TNRC6B: variants seen among roughly 807,000 people sequenced by gnomAD.
The protein encoded by TNRC6B is trinucleotide repeat-containing gene 6B protein.
A neutral mutation model predicts 203.6 loss-of-function variants in TNRC6B; 52 were observed. The ratio of observed to expected loss-of-function variants is 0.26; its 90% CI spans 0.20 to 0.32. The LOEUF (loss-of-function observed/expected upper bound fraction) is 0.32. Among genes scored for constraint, TNRC6B ranks in the 10% least tolerant of loss-of-function variants. The pLI is 1.00. For missense variants in TNRC6B, 1,923 were observed against 2,286.2 expected, an observed-to-expected ratio of 0.84 and a Z score of 3.24; for synonymous variants, 838 against 845.7, an observed-to-expected ratio of 0.99 and a Z score of 0.16.
At chr22:40,138,618 AG>A (rs1354975546) in intron 3 of TNRC6B, among the ~76,000 whole-genome samples, 1 of 152,212 alleles carries the variant, frequency 6.6e-6, no homozygotes, top group African/African-American at 2.4e-5. Context: ...AGGCACCTGC[AG>A]GCAGCCCAGG....
chr22:40,277,478 G>C (rs537842467), intron 8 of TNRC6B, among the ~76,000 whole-genome samples: 1 of 152,148 alleles, frequency 6.6e-6, no homozygotes, highest in South Asian at 2.1e-4. Context: ...TTTTAAAAAG[G>C]CAACGATAAC....
In TNRC6B at chr22:40,125,839, GTA is replaced by G; in HGVS notation, c.24_25del (p.Ser9GlyfsTer25). ...TCCCATGCAAACCAATGAGGGAGAA[GTA>G]TCGGAAGAAAGCAGTTCCAAGGTCA... On this transcript the variant is annotated frameshift_variant, in exon 3 of 24. Coordinates refer to the TNRC6B transcript ENST00000301923. LOFTEE classifies it high-confidence loss of function. 6.2e-7 allele frequency: 1 copy of G among 1,612,636 alleles called. No homozygotes were observed. Among genetic ancestry groups the G allele is most frequent in the East Asian group, 2.2e-5 (1 of 44,810 alleles).
intron 19 of TNRC6B, among the ~76,000 whole-genome samples, chr22:40,313,236 GC>G (rs994525904): frequency 6.6e-5 from 10 of 152,192 alleles, no homozygotes; most frequent in African/African-American, 2.4e-4. Flanking sequence ...ACTGCAGGGA[GC>G]TGGCATATCC....
intron 1 of TNRC6B, among the ~76,000 whole-genome samples, chr22:40,211,480 T>C (rs147236053): frequency 5.9e-5 from 9 of 152,248 alleles, no homozygotes; most frequent in African/African-American, 2.2e-4. Context: ...CTGTATTGAG[T>C]AGCTGATACG....
intron 1 of TNRC6B, among the ~76,000 whole-genome samples, chr22:40,056,432 G>A (rs1174891322): frequency 6.6e-6 from 1 of 152,210 alleles, no homozygotes; most frequent in Non-Finnish European, 1.5e-5. Context: ...AGTTTAAGAT[G>A]TTTGGAAGAG....
intron 3 of TNRC6B, among the ~76,000 whole-genome samples, chr22:40,260,185 G>T (rs981728988): frequency 1.3e-5 from 2 of 148,594 alleles, no homozygotes; most frequent in Admixed American, 1.4e-4. Context: ...CTATTTTAAA[G>T]AATTGGGAAG....
At position 40,297,992 on chromosome 22, in the gene TNRC6B, G is replaced by A. The variant is rs185614088; in HGVS notation, c.3709-2463G>A. ...TACAAAAAATTAGCCGGGCATGGTG[G>A]CAGGCACCTGTAGTCCCAGCTATTC... On this transcript the variant is annotated intron_variant, in intron 12 of 22. Transcript: ENST00000454349. Among the ~76,000 whole-genome samples the A allele has an allele frequency of 3.0e-3, 449 of 151,148 alleles. 1 individual carries two copies. The highest frequency in any genetic ancestry group is 4.8e-3 in the Non-Finnish European group (326 of 67,850).
intron 3 of TNRC6B, among the ~76,000 whole-genome samples, chr22:40,148,283 CTTTTTTT>C (rs907310952): frequency 4.8e-4 from 62 of 128,782 alleles, no homozygotes; most frequent in African/African-American, 5.7e-4. Context: ...AAAACAGTTT[CTTTTTTT>C]TTTTTTTTTT....
chr22:40,100,728 T>G (rs989940215), intron 1 of TNRC6B, among the ~76,000 whole-genome samples: 1 of 152,196 alleles, frequency 6.6e-6, no homozygotes, highest in African/African-American at 2.4e-5. Flanking sequence ...CCATGGATTT[T>G]GGTATACACC....
intron 7 of TNRC6B, among the ~76,000 whole-genome samples, chr22:40,274,478 T>A (rs1024587361): frequency 1.3e-5 from 2 of 151,260 alleles, no homozygotes; most frequent in Non-Finnish European, 1.5e-5. Flanking sequence ...TGGACTGCAG[T>A]GGTGCAGTCT....
chr22:40,314,509 T>G (rs961007907), intron 19 of TNRC6B, among the ~76,000 whole-genome samples: 2 of 152,384 alleles, frequency 1.3e-5, no homozygotes, highest in East Asian at 1.9e-4. Flanking sequence ...ACATATTCCA[T>G]ACACAGAGAG....
chr22:40,258,705 C>A (rs1489136755), intron 3 of TNRC6B, among the ~76,000 whole-genome samples: 2 of 152,068 alleles, frequency 1.3e-5, no homozygotes, highest in Non-Finnish European at 2.9e-5. Context: ...GAGGTGTGTT[C>A]CCATTTTATA....
intron 16 of TNRC6B, among the ~76,000 whole-genome samples, chr22:40,309,867 C>T (rs1308685625): frequency 1.3e-5 from 2 of 152,240 alleles, no homozygotes; most frequent in East Asian, 3.9e-4. Flanking sequence ...AAAGTAAATG[C>T]CCTCTTAGCC....
chr22:40,130,724 A>C (rs1460334754), intron 3 of TNRC6B, among the ~76,000 whole-genome samples: 5 of 134,962 alleles, frequency 3.7e-5, no homozygotes, highest in Non-Finnish European at 6.1e-5. Context: ...TGGAGCTTGC[A>C]GTGAGCCAAG....
intron 3 of TNRC6B, among the ~76,000 whole-genome samples, chr22:40,259,688 C>T (rs1053297439): frequency 2.6e-5 from 4 of 152,176 alleles, no homozygotes; most frequent in African/African-American, 9.7e-5. Flanking sequence ...GCTCTTTTCT[C>T]CTGTCACCCA....
At chr22:40,216,477 AAGT>A (rs1268989487) in intron 1 of TNRC6B, among the ~76,000 whole-genome samples, 2 of 152,136 alleles carry the variant, frequency 1.3e-5, no homozygotes, top group Non-Finnish European at 2.9e-5. Flanking sequence ...GTTGAACTAA[AAGT>A]AGGAAGAGAC....
Position 40,112,260 on chromosome 22 carries a change from G to A in TNRC6B, c.-120-4795G>A, listed in dbSNP as rs573656721. Among the ~76,000 whole-genome samples, 18 of 152,304 alleles carry A rather than the reference G, an allele frequency of 1.2e-4. No individual in the cohort carries two copies. The South Asian group carries it at 1.7e-3, about 14-fold the overall frequency. On this transcript the variant is annotated intron_variant, in intron 1 of 23. Coordinates refer to the TNRC6B transcript ENST00000301923. ...ACCAAGAGGTAGCAAAAGTACTGCC[G>A]TGGGCCCTTCCAGGGGGGTGGGTGA...
At chr22:40,218,213 C>T (rs1601892953) in intron 1 of TNRC6B, among the ~76,000 whole-genome samples, 1 of 151,480 alleles carries the variant, frequency 6.6e-6, no homozygotes, top group Non-Finnish European at 1.5e-5. Flanking sequence ...TATATAATAA[C>T]TCATTGATTA....
intron 3 of TNRC6B, among the ~76,000 whole-genome samples, chr22:40,134,918 G>A (rs6001795): frequency 0.23 from 34,252 of 151,988 alleles, 4,185 homozygotes; most frequent in Admixed American, 0.34. Context: ...TCATAATTCT[G>A]TGTTTTCCTG....
Sources: gnomAD v4.1 joint callset for allele counts (sites outside exome capture counted in the v4.1 genomes callset) on GRCh38, gnomAD v4.1.1 for gene constraint, MANE v1.5 for transcripts, NCBI Gene and HGNC (gene_info 2026-07-23, HGNC 2026-07-21) for gene names.